Variants in TJP1 observed in about 807,000 individuals in gnomAD.
The protein encoded by TJP1 is tight junction protein ZO-1.
In TJP1, 43 loss-of-function variants were observed where a neutral mutation model predicts 194.2. The ratio of observed to expected loss-of-function variants is 0.22; its 90% confidence interval spans 0.17 to 0.29. TJP1 has a LOEUF of 0.29. Among genes scored for constraint, TJP1 ranks in the 10% least tolerant of loss-of-function variants. The pLI, the probability that TJP1 is intolerant of heterozygous loss-of-function variation, is 1.00. For synonymous variants in TJP1, 801 were observed against 779.0 expected, an observed-to-expected ratio of 1.03 and a Z score of -0.47; for missense variants, 1,971 against 2,185.7, an observed-to-expected ratio of 0.90 and a Z score of 1.96.
chr15:29,727,664 T>C (rs2043325644), intron 16 of TJP1, among the ~76,000 whole-genome samples: 1 of 152,222 alleles, frequency 6.6e-6, no homozygotes, highest in Non-Finnish European at 1.5e-5. Flanking sequence ...AAACTACAAC[T>C]TGAATTGTAC....
intron 2 of TJP1, among the ~76,000 whole-genome samples, chr15:29,784,229 A>G (rs1240544118): frequency 3.3e-5 from 5 of 152,190 alleles, no homozygotes; most frequent in Admixed American, 1.3e-4. Flanking sequence ...GAGAATATCA[A>G]CTCAGGAGGA....
At chr15:29,902,286 A>G (rs1227807060) in intron 2 of TJP1, among the ~76,000 whole-genome samples, 15 of 152,222 alleles carry the variant, frequency 9.9e-5, no homozygotes, top group Admixed American at 9.8e-4. Context: ...GTATAGATTC[A>G]ACTGCTTGGA....
At chr15:29,889,309 G>T (rs752047038) in intron 2 of TJP1, among the ~76,000 whole-genome samples, 2 of 152,152 alleles carry the variant, frequency 1.3e-5, no homozygotes, top group Non-Finnish European at 2.9e-5. Flanking sequence ...TATTTTGTAT[G>T]AAATACTTTT....
chr15:29,897,477 G>C (rs1419009161), intron 2 of TJP1, among the ~76,000 whole-genome samples: 1 of 152,202 alleles, frequency 6.6e-6, no homozygotes, highest in African/African-American at 2.4e-5. Context: ...GAAATGTGAG[G>C]TCAGAGTCCC....
At chr15:29,760,962 C>T (rs2045964612) in intron 8 of TJP1, among the ~76,000 whole-genome samples, 177 bp downstream of exon 8, 1 of 152,124 alleles carries the variant, frequency 6.6e-6, no homozygotes, top group South Asian at 2.1e-4. Context: ...CTATCTGGCC[C>T]TTTAAGGGAA....
intron 2 of TJP1, among the ~76,000 whole-genome samples, chr15:29,894,517 G>T (rs574922337): frequency 2.0e-5 from 3 of 152,328 alleles, no homozygotes; most frequent in South Asian, 4.1e-4. Flanking sequence ...GAACATAGGT[G>T]TCTTGGCCTG....
intron 1 of TJP1, among the ~76,000 whole-genome samples, chr15:29,957,197 G>A (rs2055979656): frequency 6.6e-6 from 1 of 152,110 alleles, no homozygotes; most frequent in South Asian, 2.1e-4. Context: ...GTAGCAAATA[G>A]TATAAGCCAT....
At chr15:29,941,934 T>C (rs1163480035) in intron 2 of TJP1, among the ~76,000 whole-genome samples, 2 of 151,836 alleles carry the variant, frequency 1.3e-5, no homozygotes, top group Non-Finnish European at 2.9e-5. Context: ...GAAGAGGCCG[T>C]GAGGAGGGAA....
intron 2 of TJP1, among the ~76,000 whole-genome samples, chr15:29,841,552 T>C (rs1220696729): frequency 6.6e-6 from 1 of 152,188 alleles, no homozygotes; most frequent in African/African-American, 2.4e-5. Flanking sequence ...ATTCTAACTT[T>C]CTCTGCCCTC....
intron 4 of TJP1, 105 bp downstream of exon 4, chr15:29,771,959 A>G: frequency 1.4e-6 from 1 of 692,032 alleles, no homozygotes; most frequent in African/African-American, 1.8e-5. Context: ...CTTTGGAACT[A>G]TTGTTTCAGT....
In TJP1 at chr15:29,828,413, A is replaced by T. The variant is rs1226311127; in HGVS notation, c.307-27711T>A. Among the ~76,000 whole-genome samples the T allele has an allele frequency of 2.6e-5, 4 of 152,262 alleles. No individual in the cohort carries two copies. In the South Asian group the frequency reaches 8.3e-4, roughly 32 times the overall value. On this transcript the variant is annotated intron_variant, in intron 2 of 28. Transcript: ENST00000356107. ...ACAACAACAACAAAAAAATATATAT[A>T]TATCTTTTTGTATACATGTATAAGT...
rs532401373 is a variant in TJP1, at chr15:29,966,133, T to G, written c.173+2534A>C. 4.6e-5 allele frequency among the ~76,000 whole-genome samples: 7 copies of G among 152,330 alleles called. No homozygotes were observed. In the East Asian group the frequency reaches 1.3e-3, roughly 29 times the overall value. ...CCCCAATGATGGAAAATAATAAATA[T>G]AGTTTCCTAACTTTGTGACCAAATG... is the stretch of plus-strand genomic sequence containing the variant. On this transcript the variant is annotated intron_variant, in intron 1 of 28. Coordinates refer to the TJP1 transcript ENST00000356107.
intron 2 of TJP1, among the ~76,000 whole-genome samples, chr15:29,923,841 AAAGCTC>A (rs1193735156): frequency 1.3e-5 from 2 of 152,162 alleles, no homozygotes; most frequent in Admixed American, 1.3e-4. Flanking sequence ...TTAAAAACCA[AAAGCTC>A]TCCCATATGT....
intron 2 of TJP1, among the ~76,000 whole-genome samples, chr15:29,828,757 G>T (rs12441554): frequency 5.4e-5 from 8 of 147,954 alleles, no homozygotes; most frequent in African/African-American, 1.0e-4. Context: ...TTTTTGAGGT[G>T]GAGTCTTGCT....
chr15:29,954,684 A>G (rs2055873280), intron 2 of TJP1, among the ~76,000 whole-genome samples: 1 of 152,246 alleles, frequency 6.6e-6, no homozygotes, highest in Non-Finnish European at 1.5e-5. Flanking sequence ...TCATAAAAGC[A>G]TTCAAGAACA....
intron 2 of TJP1, among the ~76,000 whole-genome samples, chr15:29,851,278 A>C (rs2051632272): frequency 6.6e-6 from 1 of 152,148 alleles, no homozygotes; most frequent in African/African-American, 2.4e-5. Flanking sequence ...AAAAATATTA[A>C]GACTAAAATA....
chr15:29,880,147 T>C (rs1489897307), intron 2 of TJP1, among the ~76,000 whole-genome samples: 3 of 152,200 alleles, frequency 2.0e-5, no homozygotes, highest in Non-Finnish European at 4.4e-5. Flanking sequence ...TTTTCAACAA[T>C]TTATTCAATC....
intron 2 of TJP1, among the ~76,000 whole-genome samples, chr15:29,873,493 CAA>C (rs2052596364): frequency 6.6e-6 from 1 of 152,184 alleles, no homozygotes; most frequent in African/African-American, 2.4e-5. Flanking sequence ...TGTGCAAGAG[CAA>C]ACTGTTTCTT....
At chr15:29,968,568 C>A (rs1430444238) in intron 1 of TJP1, 2 of 837,506 alleles carry the variant, frequency 2.4e-6, no homozygotes, top group Non-Finnish European at 2.9e-6. Flanking sequence ...CCTCGCCCCC[C>A]GCCCGACCGC....
Sources: allele counts gnomAD v4.1 joint callset (sites outside exome capture counted in the v4.1 genomes callset), GRCh38; gene constraint gnomAD v4.1.1; transcripts MANE v1.5; gene names NCBI Gene and HGNC (gene_info 2026-07-23, HGNC 2026-07-21).